The following DBT variants were observed in gnomAD, a reference collection of about 807,000 sequenced individuals.
The protein encoded by DBT is lipoamide acyltransferase component of branched-chain alpha-keto acid dehydrogenase complex, mitochondrial.
In DBT, 40 loss-of-function variants were observed where a neutral mutation model predicts 51.3. That is an observed-to-expected ratio of 0.78 (90% CI 0.61 to 1.02). The LOEUF (loss-of-function observed/expected upper bound fraction) is 1.02. Among genes scored for constraint, DBT ranks in the 50% least tolerant of loss-of-function variants. The probability of loss-of-function intolerance (pLI) is 0.00; values close to 1 mark genes in which losing one functional copy is unlikely to be tolerated. For missense variants in DBT, 510 were observed against 580.2 expected (o/e 0.88, Z 1.24); for synonymous variants, 181 against 190.4 (o/e 0.95, Z 0.41).
intron 5 of DBT, among the ~76,000 whole-genome samples, chr1:100,216,909 C>G (rs1178425981): frequency 6.6e-6 from 1 of 152,112 alleles, no homozygotes; most frequent in African/African-American, 2.4e-5. Context: ...GTATTAATTT[C>G]TTAGGGATAG....
intron 2 of DBT, 147 bp from the exon 3 acceptor site, chr1:100,235,658 A>T: frequency 3.5e-6 from 2 of 568,796 alleles, no homozygotes; most frequent in Non-Finnish European, 6.4e-6. Flanking sequence ...ATAATTTTTA[A>T]GAGCATAACC....
chr1:100,214,289 T>C (rs1271412056), intron 7 of DBT, among the ~76,000 whole-genome samples: 1 of 152,246 alleles, frequency 6.6e-6, no homozygotes, highest in African/African-American at 2.4e-5. Context: ...GAATTGTCTC[T>C]ACCTAGCTCA....
At chr1:100,229,379 G>T (rs1017055870) in intron 4 of DBT, among the ~76,000 whole-genome samples, 6 of 152,098 alleles carry the variant, frequency 3.9e-5, no homozygotes, top group Non-Finnish European at 7.3e-5. Flanking sequence ...TGTTGGCCAG[G>T]ATGGTCTCGA....
Position 100,241,006 on chromosome 1 carries a change from T to C in DBT, c.52-122A>G, listed in dbSNP as rs906061378. ...AACCATTGTCACAATAGAAATATTA[T>C]ATCCTTAGATTTAGATTTGTTACAT... On this transcript the variant is annotated intron_variant, in intron 1 of 10. Coordinates refer to ENST00000370132, the MANE Select transcript of DBT (RefSeq NM_001918.5). 6 of 1,001,602 alleles carry C rather than the reference T, an allele frequency of 6.0e-6. No homozygotes were observed. The African/African-American group carries it at 8.1e-5, about 14-fold the overall frequency. The allele number at this position is 1,001,602 out of a possible 1,614,324, so 62.0% of individuals were successfully genotyped here. A position where few individuals can be genotyped will look rare whatever the true frequency, so the allele number is the denominator to read the frequency against.
chr1:100,229,175 C>CT (rs1351360972), intron 4 of DBT, among the ~76,000 whole-genome samples: 3 of 151,228 alleles, frequency 2.0e-5, no homozygotes, highest in Admixed American at 6.6e-5. Flanking sequence ...CTTTTTTTTC[C>CT]TTTTTTTTAA....
chr1:100,232,319 T>C (rs778173522), intron 3 of DBT, among the ~76,000 whole-genome samples: 4 of 151,866 alleles, frequency 2.6e-5, no homozygotes, highest in Non-Finnish European at 5.9e-5. Flanking sequence ...TTGTTGTTGT[T>C]GGTAGAGACA....
rs528597114 is a variant in DBT, at chr1:100,193,093, C to A, written c.*3162G>T. ...GCCGTGCACACTGTAGGGAACAAAT[C>A]CTTTGCTGAATTCTCAATGCATGAG... is the stretch of plus-strand genomic sequence containing the variant. On this transcript the variant is annotated 3_prime_UTR_variant, in exon 11 of 11. Coordinates refer to ENST00000370132, the MANE Select transcript of DBT (RefSeq NM_001918.5). 6.6e-6 allele frequency: 1 copy of A among 152,176 alleles called. No homozygotes were observed. The highest frequency in any genetic ancestry group is 1.5e-5 in the Non-Finnish European group (1 of 68,062). The allele number at this position is 152,176 out of a possible 1,614,324, so 9.4% of individuals were successfully genotyped here. A position where few individuals can be genotyped will look rare whatever the true frequency, so the allele number is the denominator to read the frequency against.
At chr1:100,222,552 G>C (rs1331586629) in intron 4 of DBT, among the ~76,000 whole-genome samples, 1 of 152,146 alleles carries the variant, frequency 6.6e-6, no homozygotes, top group Non-Finnish European at 1.5e-5. Flanking sequence ...TGTAATCATA[G>C]GCAGGTTATT....
At position 100,210,771 on chromosome 1, in the gene DBT, C is replaced by A. The variant is rs777223475; in HGVS notation, c.940G>T (p.Ala314Ser). The stretch of plus-strand genomic sequence containing the variant: ...AACTGTAGTAATCCCAAGGAAGCAG[C>A]CTGTTTAACAGAAAAAGAATGCAAT... ...KLSFMPFFLK[A>S]ASLGLLQFPI... Residue 314 changes from alanine to serine, a missense_variant and splice_region_variant, in exon 8 of 11, where the codon GCT becomes TCT. By Grantham distance (99) the Ala-to-Ser change is moderately conservative. Transcript: ENST00000370132. 2.5e-6 allele frequency: 4 copies of A among 1,613,386 alleles called. No homozygotes were observed. Among genetic ancestry groups the A allele is most frequent in the Non-Finnish European group, 3.4e-6 (4 of 1,179,520 alleles).
chr1:100,241,685 C>G (rs1664219976), intron 1 of DBT, among the ~76,000 whole-genome samples: 1 of 152,274 alleles, frequency 6.6e-6, no homozygotes, highest in South Asian at 2.1e-4. Flanking sequence ...GTGCGAGCCA[C>G]CATGCCAGGC....
rs780112282 is a variant in DBT, at chr1:100,216,036, A to C, written c.719T>G (p.Leu240Arg). The change falls in exon 6 of 11, where the codon CTA becomes CGA. Residue 240 changes from leucine to arginine, a missense_variant. Leu to Arg is a moderately radical substitution (Grantham distance 102). Transcript: ENST00000370132. Reference sequence around the variant, plus strand: ...TGTGAATACCGGAGGTTTTGATACTAGTATAGGAACAGTCATGTCTTTTGG... The same window carrying C: ...TGTGAATACCGGAGGTTTTGATACTCGTATAGGAACAGTCATGTCTTTTGG... ...PKPKDMTVPI[L>R]VSKPPVFTGK... 2.5e-6 allele frequency: 4 copies of C among 1,613,362 alleles called. No individual in the cohort carries two copies. The highest frequency in any genetic ancestry group is 3.4e-6 in the Non-Finnish European group (4 of 1,179,498).
At chr1:100,242,175 C>T (rs1351890721) in intron 1 of DBT, among the ~76,000 whole-genome samples, 3 of 151,774 alleles carry the variant, frequency 2.0e-5, no homozygotes, top group African/African-American at 7.3e-5. Context: ...ATAAGTGAAA[C>T]TTTTTCATGT....
intron 4 of DBT, among the ~76,000 whole-genome samples, chr1:100,227,837 TTTTG>T (rs1291056557): frequency 2.6e-5 from 4 of 152,048 alleles, no homozygotes; most frequent in South Asian, 2.1e-4. Context: ...AATTTTAATT[TTTTG>T]TTTGTTTTTT....
chr1:100,219,185 G>A (rs1362165978), intron 4 of DBT, among the ~76,000 whole-genome samples: 1 of 151,826 alleles, frequency 6.6e-6, no homozygotes, highest in Non-Finnish European at 1.5e-5. Flanking sequence ...GACCCCACCT[G>A]TACAAAAAAT....
At chr1:100,216,339 A>T (rs1353672741) in intron 5 of DBT, 140 bp from the exon 6 acceptor site, 3 of 686,792 alleles carry the variant, frequency 4.4e-6, no homozygotes, top group Non-Finnish European at 7.7e-6. Flanking sequence ...TTCATTTTCT[A>T]CTTAAGTAAT....
rs564368216 is a variant in DBT, at chr1:100,198,051, T to C, written c.1282-1629A>G. Among the ~76,000 whole-genome samples the C allele has an allele frequency of 1.4e-3, 207 of 152,236 alleles. 1 individual carries two copies. The highest frequency in any genetic ancestry group is 1.2e-3 in the Non-Finnish European group (83 of 68,008). The stretch of plus-strand genomic sequence containing the variant: ...TATCTATTGAACAGATATTTATAAA[T>C]CAAATATTCATTTGTTCATAACACC... On this transcript the variant is annotated intron_variant, in intron 10 of 10. Coordinates refer to ENST00000370132, the MANE Select transcript of DBT (RefSeq NM_001918.5).
At chr1:100,206,995 C>G (rs1661828642) in intron 8 of DBT, among the ~76,000 whole-genome samples, 1 of 152,116 alleles carries the variant, frequency 6.6e-6, no homozygotes, top group Non-Finnish European at 1.5e-5. Flanking sequence ...ACGAGAATCG[C>G]TTGAACCTGG....
At position 100,192,918 on chromosome 1, in the gene DBT, T is replaced by C. The variant is rs1401593133; in HGVS notation, c.*3337A>G. On this transcript the variant is annotated 3_prime_UTR_variant, in exon 11 of 11. Coordinates refer to ENST00000370132, the MANE Select transcript of DBT (RefSeq NM_001918.5). ...GACTTGAATTTTCTGGCTTTTCCAC[T>C]TTAATTCCAACCTCTAGGAGTACAG... The C allele has an allele frequency of 1.3e-5, 2 of 152,336 alleles. No homozygotes were observed. Among genetic ancestry groups the C allele is most frequent in the Admixed American group, 6.5e-5 (1 of 15,286 alleles). The allele number at this position is 152,336 out of a possible 1,614,324, so 9.4% of individuals were successfully genotyped here. A position where few individuals can be genotyped will look rare whatever the true frequency, so the allele number is the denominator to read the frequency against.
chr1:100,196,163 A>G lies in DBT; in HGVS notation c.*92T>C, dbSNP rs145868985. The G allele has an allele frequency of 7.7e-5, 84 of 1,084,208 alleles. No individual in the cohort carries two copies. Among genetic ancestry groups the G allele is most frequent in the Admixed American group, 8.8e-5 (5 of 57,118 alleles). The allele number at this position is 1,084,208 out of a possible 1,614,324, so 67.2% of individuals were successfully genotyped here. ...TAATCATACGATACAAATCATTTAC[A>G]ATATAAATTGTAAAGATGAACATGT... is the stretch of plus-strand genomic sequence containing the variant. On this transcript the variant is annotated 3_prime_UTR_variant, in exon 11 of 11. Transcript: ENST00000370132.
Sources: allele counts gnomAD v4.1 joint callset (sites outside exome capture counted in the v4.1 genomes callset), GRCh38; gene constraint gnomAD v4.1.1; transcripts MANE v1.5; gene names NCBI Gene and HGNC (gene_info 2026-07-23, HGNC 2026-07-21).